Variants in BRIP1 observed in about 807,000 individuals in gnomAD.
BRIP1 encodes the protein BRCA1 interacting DNA helicase 1.
In BRIP1, 88 loss-of-function variants were observed where a neutral mutation model predicts 119.7. The ratio of observed to expected loss-of-function variants is 0.74; its 90% confidence interval spans 0.62 to 0.88. The LOEUF (loss-of-function observed/expected upper bound fraction) is 0.88. Among genes scored for constraint, BRIP1 ranks in the 40% least tolerant of loss-of-function variants. The pLI, the probability that BRIP1 is intolerant of heterozygous loss-of-function variation, is 0.00. For synonymous variants in BRIP1, 443 were observed against 496.5 expected, an observed-to-expected ratio of 0.89 and a Z score of 1.43; for missense variants, 1,259 against 1,455.4, an observed-to-expected ratio of 0.87 and a Z score of 2.20.
intron 14 of BRIP1, among the ~76,000 whole-genome samples, chr17:61,766,268 C>A (rs1261200795): frequency 2.0e-5 from 3 of 152,042 alleles, no homozygotes. Flanking sequence ...AAATGTTTGT[C>A]AAATGAATAA....
At position 61,687,764 on chromosome 17, in the gene BRIP1, A is replaced by G. The variant is rs2061382739; in HGVS notation, c.2576-1599T>C. Among the ~76,000 whole-genome samples, 1 of 152,212 alleles carries G rather than the reference A, an allele frequency of 6.6e-6. No homozygotes were observed. The highest frequency in any genetic ancestry group is 2.4e-5 in the African/African-American group (1 of 41,470). On this transcript the variant is annotated intron_variant, in intron 18 of 19. Transcript: ENST00000259008. The surrounding 1 kb of genome is among the most constrained non-coding windows in gnomAD (Gnocchi z 5.1). ...AAAATGATACTACTGCCTGCATCAA[A>G]GCGGTAGGAAAATTTGTGGCACCCT...
rs1473725278 is a variant in BRIP1, at chr17:61,687,032, A to C, written c.2576-867T>G. 6.6e-6 allele frequency among the ~76,000 whole-genome samples: 1 copy of C among 152,108 alleles called. No homozygotes were observed. The highest frequency in any genetic ancestry group is 2.4e-5 in the African/African-American group (1 of 41,434). The stretch of plus-strand genomic sequence containing the variant: ...TCCCTTGAAGTTTTTTATTTTGTTC[A>C]TTTGGGGAATATGATTAGACCATAA... On this transcript the variant is annotated intron_variant, in intron 18 of 19. Transcript: ENST00000259008. The surrounding 1 kb of genome is among the most constrained non-coding windows in gnomAD (Gnocchi z 5.1).
Position 61,849,195 on chromosome 17 carries a change from GT to G in BRIP1, c.440del (p.Tyr147SerfsTer10), listed in dbSNP as rs1555616176. ...KLSAKKQASI[Y>X]RDENDDFQVE... The stretch of plus-strand genomic sequence containing the variant: ...CTTGAAAATCATCATTTTCATCTCT[GT>G]ATATGGATGCCTGTTTCTTAGCAGA... On this transcript the variant is annotated frameshift_variant, in exon 5 of 20. Coordinates refer to ENST00000259008, the MANE Select transcript of BRIP1 (RefSeq NM_032043.3). LOFTEE classifies it high-confidence loss of function. 6.2e-7 allele frequency: 1 copy of G among 1,612,608 alleles called. No homozygotes were observed. Among genetic ancestry groups the G allele is most frequent in the Non-Finnish European group, 8.5e-7 (1 of 1,178,912 alleles).
chr17:61,735,670 G>A lies in BRIP1; in HGVS notation c.2379+7343C>T, dbSNP rs1249548523. 1.3e-5 allele frequency among the ~76,000 whole-genome samples: 2 copies of A among 151,678 alleles called. No homozygotes were observed. Among genetic ancestry groups the A allele is most frequent in the Admixed American group, 6.6e-5 (1 of 15,246 alleles). On this transcript the variant is annotated intron_variant, in intron 16 of 19. Transcript: ENST00000259008. The surrounding 1 kb of genome is among the most constrained non-coding windows in gnomAD (Gnocchi z 4.4). ...TTAAAAATTAGCTGGGTGTGGTGGC[G>A]TGTGGCTGTAGTGCCAGCTACCCAG...
intron 16 of BRIP1, among the ~76,000 whole-genome samples, chr17:61,732,874 A>G (rs1165521999): frequency 6.6e-6 from 1 of 151,992 alleles, no homozygotes; most frequent in Non-Finnish European, 1.5e-5. Context: ...TTGTGTTTTT[A>G]GTAGAGACTG....
Position 61,809,075 on chromosome 17 carries a change from C to A in BRIP1, c.628-318G>T, listed in dbSNP as rs1377929152. ...TTCATAAATTATAAAAATGATAAAA[C>A]AAAGTAGGAACAATTTTAATTTTTT... On this transcript the variant is annotated intron_variant, in intron 6 of 19. Transcript: ENST00000259008. The surrounding 1 kb of genome is among the most constrained non-coding windows in gnomAD (Gnocchi z 5.2). 6.6e-6 allele frequency among the ~76,000 whole-genome samples: 1 copy of A among 152,048 alleles called. No individual in the cohort carries two copies. The highest frequency in any genetic ancestry group is 1.5e-5 in the Non-Finnish European group (1 of 67,984).
intron 17 of BRIP1, among the ~76,000 whole-genome samples, chr17:61,698,790 C>A (rs1211747497): frequency 1.3e-5 from 2 of 151,840 alleles, no homozygotes; most frequent in Non-Finnish European, 2.9e-5. Context: ...TCATGGCTTA[C>A]TGCAGCCTCA....
chr17:61,786,226 AGAGT>A (rs1327102292), intron 10 of BRIP1, among the ~76,000 whole-genome samples: 3 of 150,366 alleles, frequency 2.0e-5, no homozygotes, highest in Non-Finnish European at 4.5e-5. Context: ...CAGAGAGAGA[AGAGT>A]GTGTGTGAGT....
In BRIP1 at chr17:61,760,492, A is replaced by G. The variant is rs538656041; in HGVS notation, c.2098-15901T>C. On this transcript the variant is annotated intron_variant, in intron 14 of 19. Transcript: ENST00000259008. This position sits in a 1 kb window ranked among gnomAD's most constrained non-coding sequence, Gnocchi z 4.6. ...GGAAAACAACACAAAGATCAACAAA[A>G]CTATGAATTGGTTTTTGAAAAGATA... Among the ~76,000 whole-genome samples the G allele has an allele frequency of 5.1e-4, 77 of 152,124 alleles. No homozygotes were observed. Among genetic ancestry groups the G allele is most frequent in the African/African-American group, 1.8e-3 (73 of 41,560 alleles).
chr17:61,791,567 G>A (rs1284321486), intron 10 of BRIP1, among the ~76,000 whole-genome samples: 1 of 139,724 alleles, frequency 7.2e-6, no homozygotes, highest in Non-Finnish European at 1.5e-5. Flanking sequence ...ACAACCACTC[G>A]CACATGAGAG....
Position 61,704,912 on chromosome 17 carries a change from A to C in BRIP1, c.2492+11039T>G, listed in dbSNP as rs2061669762. Among the ~76,000 whole-genome samples, 1 of 151,996 alleles carries C rather than the reference A, an allele frequency of 6.6e-6. No homozygotes were observed. The highest frequency in any genetic ancestry group is 2.4e-5 in the African/African-American group (1 of 41,392). On this transcript the variant is annotated intron_variant, in intron 17 of 19. Transcript: ENST00000259008. The surrounding 1 kb of genome is among the most constrained non-coding windows in gnomAD (Gnocchi z 5.7). The stretch of plus-strand genomic sequence containing the variant: ...TTATCAATTTTATTGATCTTTTCAA[A>C]GAGTCTATTTTTTTCTGTTTTTCAA...
At position 61,735,733 on chromosome 17, in the gene BRIP1, C is replaced by G. The variant is rs2076909000; in HGVS notation, c.2379+7280G>C. Among the ~76,000 whole-genome samples, 1 of 151,930 alleles carries G rather than the reference C, an allele frequency of 6.6e-6. No individual in the cohort carries two copies. Among genetic ancestry groups the G allele is most frequent in the African/African-American group, 2.4e-5 (1 of 41,334 alleles). On this transcript the variant is annotated intron_variant, in intron 16 of 19. Transcript: ENST00000259008. The surrounding 1 kb of genome is among the most constrained non-coding windows in gnomAD (Gnocchi z 4.4). ...GGAGGATCACCTGAGCCCGAGAGGCCAAGGCTGCAGTGACCCATGACCGCA... is the reference window on the plus strand; with the variant it reads ...GGAGGATCACCTGAGCCCGAGAGGCGAAGGCTGCAGTGACCCATGACCGCA...
chr17:61,817,569 C>G (rs1223536437), intron 6 of BRIP1, among the ~76,000 whole-genome samples: 4 of 152,152 alleles, frequency 2.6e-5, no homozygotes, highest in Non-Finnish European at 5.9e-5. Context: ...CAGCACTACC[C>G]AACAGGATTT....
At position 61,684,898 on chromosome 17, in the gene BRIP1, A is replaced by G. The variant is rs1397463566; in HGVS notation, c.2906-758T>C. 1.3e-5 allele frequency: 2 copies of G among 152,118 alleles called. No homozygotes were observed. Among genetic ancestry groups the G allele is most frequent in the Non-Finnish European group, 2.9e-5 (2 of 68,054 alleles). 9.4% of individuals were successfully genotyped at this position (152,118 alleles called of 1,614,324 possible). A position where few individuals can be genotyped will look rare whatever the true frequency, so the allele number is the denominator to read the frequency against. The stretch of plus-strand genomic sequence containing the variant: ...CTCCTGAGTAGCTGGGATTACAGAC[A>G]GCTGCCTCCACACCCAGCTAATTTT... On this transcript the variant is annotated intron_variant, in intron 19 of 19. Coordinates refer to ENST00000259008, the MANE Select transcript of BRIP1 (RefSeq NM_032043.3). The surrounding 1 kb of genome is among the most constrained non-coding windows in gnomAD (Gnocchi z 4.5).
At chr17:61,685,481 A>G (rs2061346723) in intron 19 of BRIP1, 1 of 296,702 alleles carries the variant, frequency 3.4e-6, no homozygotes, top group African/African-American at 2.2e-5. Context: ...CTTACATGGT[A>G]CTTTACAATG....
Position 61,815,316 on chromosome 17 carries a change from T to C in BRIP1, c.628-6559A>G, listed in dbSNP as rs1313780935. Reference sequence around the variant, plus strand: ...TACAGACACAATTTTGTGTGCATTTTTAGAAAGTGAACCCCTAACTTTAAT... The same window carrying C: ...TACAGACACAATTTTGTGTGCATTTCTAGAAAGTGAACCCCTAACTTTAAT... On this transcript the variant is annotated intron_variant, in intron 6 of 19. Transcript: ENST00000259008. This position sits in a 1 kb window ranked among gnomAD's most constrained non-coding sequence, Gnocchi z 4.1. 6.6e-6 allele frequency among the ~76,000 whole-genome samples: 1 copy of C among 152,142 alleles called. No individual in the cohort carries two copies. Among genetic ancestry groups the C allele is most frequent in the Non-Finnish European group, 1.5e-5 (1 of 67,998 alleles).
rs2076830795 is a variant in BRIP1, at chr17:61,730,538, T to C, written c.2379+12475A>G. Among the ~76,000 whole-genome samples the C allele has an allele frequency of 6.6e-6, 1 of 152,138 alleles. No individual in the cohort carries two copies. Among genetic ancestry groups the C allele is most frequent in the Admixed American group, 6.5e-5 (1 of 15,276 alleles). On this transcript the variant is annotated intron_variant, in intron 16 of 19. Coordinates refer to ENST00000259008, the MANE Select transcript of BRIP1 (RefSeq NM_032043.3). This position sits in a 1 kb window ranked among gnomAD's most constrained non-coding sequence, Gnocchi z 4.3. ...TTCACTTTTAAATCCTCCAACCTAG[T>C]TTGAGAGCAAAATTAATATATAAAG...
chr17:61,861,410 T>C lies in BRIP1; in HGVS notation c.93+37A>G. 1 of 1,332,702 alleles carries C rather than the reference T, an allele frequency of 7.5e-7. No individual in the cohort carries two copies. Among genetic ancestry groups the C allele is most frequent in the Non-Finnish European group, 1.1e-6 (1 of 924,968 alleles). 82.6% of individuals were successfully genotyped at this position (1,332,702 alleles called of 1,614,324 possible). A position where few individuals can be genotyped will look rare whatever the true frequency, so the allele number is the denominator to read the frequency against. On this transcript the variant is annotated intron_variant, in intron 2 of 19. Transcript: ENST00000259008. This position sits in a 1 kb window ranked among gnomAD's most constrained non-coding sequence, Gnocchi z 4.5. Reference sequence around the variant, plus strand: ...GTACTTTATGGGTCATAAGTATCTATATCTTAATAAAAACTTAACTGCTGA... The same window carrying C: ...GTACTTTATGGGTCATAAGTATCTACATCTTAATAAAAACTTAACTGCTGA...
chr17:61,765,624 G>A (rs1251665479), intron 14 of BRIP1, among the ~76,000 whole-genome samples: 1 of 148,750 alleles, frequency 6.7e-6, no homozygotes, highest in Admixed American at 6.7e-5. Context: ...TAGTACAGAC[G>A]GAGTTTCACC....
Sources: gnomAD v4.1 joint callset for allele counts (sites outside exome capture counted in the v4.1 genomes callset) on GRCh38, gnomAD v4.1.1 for gene constraint, Gnocchi (gnomAD v3.1) non-coding constraint, MANE v1.5 for transcripts, NCBI Gene and HGNC (gene_info 2026-07-23, HGNC 2026-07-21) for gene names.